UBE2L3: variants seen among roughly 807,000 people sequenced by gnomAD.
The protein encoded by UBE2L3 is ubiquitin-conjugating enzyme E2 L3.
UBE2L3 carries 1 observed loss-of-function variant against 17.8 expected under a neutral mutation model. The observed-to-expected ratio is 0.06, with a 90% CI of 0.02 to 0.27. UBE2L3 has a LOEUF of 0.27. Ranked by LOEUF, UBE2L3 falls within the 10% of genes least tolerant of loss-of-function variation. The pLI, the probability that UBE2L3 is intolerant of heterozygous loss-of-function variation, is 1.00. For missense variants in UBE2L3, 40 were observed against 192.6 expected, an observed-to-expected ratio of 0.21 and a Z score of 4.69; for synonymous variants, 44 against 68.5, an observed-to-expected ratio of 0.64 and a Z score of 1.76.
chr22:21,608,161 A>G (rs1224327149), intron 2 of UBE2L3, among the ~76,000 whole-genome samples: 3 of 152,242 alleles, frequency 2.0e-5, no homozygotes, highest in Admixed American at 1.3e-4. Flanking sequence ...ACGTAGAGCA[A>G]CAGGAACTCT....
At chr22:21,567,867 G>T in intron 1 of UBE2L3, 96 bp downstream of exon 1, 1 of 1,547,438 alleles carries the variant, frequency 6.5e-7, no homozygotes, top group Non-Finnish European at 8.7e-7. Context: ...GCTGCCGTCT[G>T]GCTTCCTGCC....
intron 3 of UBE2L3, among the ~76,000 whole-genome samples, chr22:21,613,725 A>G (rs1270198753): frequency 1.3e-5 from 2 of 152,200 alleles, no homozygotes; most frequent in African/African-American, 2.4e-5. Context: ...CTGACTGTTC[A>G]TTCCTGGGGT....
intron 3 of UBE2L3, among the ~76,000 whole-genome samples, chr22:21,616,675 A>T (rs75072741): frequency 6.6e-6 from 1 of 151,082 alleles, no homozygotes; most frequent in Non-Finnish European, 1.5e-5. Context: ...AAAAAAAAAA[A>T]TTAGCCAGGC....
intron 1 of UBE2L3, among the ~76,000 whole-genome samples, chr22:21,582,580 C>T (rs965216592): frequency 1.3e-5 from 2 of 152,032 alleles, no homozygotes; most frequent in African/African-American, 4.8e-5. Context: ...GCCTGGAGTG[C>T]AATGGCGCGA....
At chr22:21,618,876 G>T (rs1929913445) in intron 3 of UBE2L3, among the ~76,000 whole-genome samples, 1 of 152,148 alleles carries the variant, frequency 6.6e-6, no homozygotes, top group South Asian at 2.1e-4. Context: ...ACAGGTGTGA[G>T]CCACCAACCT....
upstream of UBE2L3, among the ~76,000 whole-genome samples, chr22:21,563,182 C>T (rs1926506501): frequency 1.4e-5 from 2 of 146,824 alleles, no homozygotes; most frequent in Non-Finnish European, 3.0e-5. Flanking sequence ...GCGGAGGTTG[C>T]AGTGAGCCGA....
intron 2 of UBE2L3, among the ~76,000 whole-genome samples, chr22:21,601,384 C>T (rs536943288): frequency 6.6e-6 from 1 of 151,726 alleles, no homozygotes; most frequent in South Asian, 2.1e-4. Context: ...GTGATCTCAG[C>T]TCACTGCAAC....
intron 1 of UBE2L3, among the ~76,000 whole-genome samples, chr22:21,572,620 A>G (rs1018817215): frequency 1.3e-5 from 2 of 152,204 alleles, no homozygotes; most frequent in Non-Finnish European, 1.5e-5. Flanking sequence ...TTGCTACAGC[A>G]GTAAATGTGA....
At chr22:21,573,323 G>C (rs1283048106) in intron 1 of UBE2L3, among the ~76,000 whole-genome samples, 1 of 152,034 alleles carries the variant, frequency 6.6e-6, no homozygotes, top group African/African-American at 2.4e-5. Context: ...CCACTTGCCC[G>C]TTGAGTCCCC....
At chr22:21,561,119 T>TC (rs1306338671) in intron 1 of UBE2L3, among the ~76,000 whole-genome samples, 6 of 152,248 alleles carry the variant, frequency 3.9e-5, no homozygotes, top group Admixed American at 6.5e-5. Context: ...GCCCTCACAG[T>TC]CCAAGAACAG....
At position 21,606,294 on chromosome 22, in the gene UBE2L3, G is replaced by A. The variant is rs146308331; in HGVS notation, c.124-4563G>A. Among the ~76,000 whole-genome samples, 544 of 151,996 alleles carry A rather than the reference G, an allele frequency of 3.6e-3. 3 individuals are homozygous for A. The highest frequency in any genetic ancestry group is 0.012 in the African/African-American group (518 of 41,504). Reference sequence around the variant, plus strand: ...AACCAAAAGTCATGCAGGAAAGTGTGCGCGCGCGCGTGTGTGTGGTATGTG... The same window carrying A: ...AACCAAAAGTCATGCAGGAAAGTGTACGCGCGCGCGTGTGTGTGGTATGTG... On this transcript the variant is annotated intron_variant, in intron 2 of 3. Transcript: ENST00000342192.
At chr22:21,556,400 A>T (rs1926226288) in intron 1 of UBE2L3, among the ~76,000 whole-genome samples, 1 of 152,280 alleles carries the variant, frequency 6.6e-6, no homozygotes, top group Non-Finnish European at 1.5e-5. Flanking sequence ...CTCTAAAAAA[A>T]AAGTAAAATA....
At chr22:21,581,344 C>A (rs113360400) in intron 1 of UBE2L3, among the ~76,000 whole-genome samples, 4 of 152,170 alleles carry the variant, frequency 2.6e-5, no homozygotes, top group Non-Finnish European at 4.4e-5. Flanking sequence ...GCCACCATGC[C>A]TGGCCATTTT....
chr22:21,566,447 T>C (rs996037508), upstream of UBE2L3, among the ~76,000 whole-genome samples: 5 of 150,666 alleles, frequency 3.3e-5, no homozygotes, highest in Non-Finnish European at 7.4e-5. Flanking sequence ...CTTAGGAGGG[T>C]GTGGTGGAAC....
intron 1 of UBE2L3, among the ~76,000 whole-genome samples, chr22:21,573,094 C>G (rs1483361867): frequency 6.6e-6 from 1 of 152,138 alleles, no homozygotes; most frequent in Non-Finnish European, 1.5e-5. Flanking sequence ...AAACTCCTTA[C>G]TGGTCAGCGC....
intron 2 of UBE2L3, 114 bp from the exon 3 acceptor site, chr22:21,610,743 T>TA: frequency 8.3e-7 from 1 of 1,201,278 alleles, no homozygotes; most frequent in Non-Finnish European, 1.1e-6. Flanking sequence ...CTTCAGTTGA[T>TA]ACTTGAATCC....
At chr22:21,561,993 C>G (rs1450618048) in intron 1 of UBE2L3, among the ~76,000 whole-genome samples, 1 of 152,112 alleles carries the variant, frequency 6.6e-6, no homozygotes, top group African/African-American at 2.4e-5. Context: ...CCTGCCCCAG[C>G]AGAGGCACTT....
chr22:21,557,216 A>G (rs1459236179), intron 1 of UBE2L3, among the ~76,000 whole-genome samples: 1 of 152,230 alleles, frequency 6.6e-6, no homozygotes, highest in Non-Finnish European at 1.5e-5. Context: ...AAATTACAAA[A>G]TTTAGCCTGG....
chr22:21,551,992 TACACACACACACACACAC>T (rs750566572), intron 1 of UBE2L3, among the ~76,000 whole-genome samples: 2 of 99,808 alleles, frequency 2.0e-5, no homozygotes, highest in Middle Eastern at 4.6e-3. Flanking sequence ...ACTGAAGAAA[TACACACACACACACACAC>T]ACACACACAC....
Sources: gnomAD v4.1 joint callset for allele counts (sites outside exome capture counted in the v4.1 genomes callset) on GRCh38, gnomAD v4.1.1 for gene constraint, MANE v1.5 for transcripts, NCBI Gene and HGNC (gene_info 2026-07-23, HGNC 2026-07-21) for gene names.